The following RIMBP2 variants were observed in gnomAD, a reference collection of about 807,000 sequenced individuals.
The protein encoded by RIMBP2 is RIMS binding protein 2.
RIMBP2 carries 48 observed loss-of-function variants against 118.6 expected under a neutral mutation model. The observed-to-expected ratio is 0.40, with a 90% CI of 0.32 to 0.51. The LOEUF is 0.51. RIMBP2 is among the 20% of genes least tolerant of loss of function. The pLI is 0.41. For missense variants in RIMBP2, 1,551 were observed against 1,768.3 expected, an observed-to-expected ratio of 0.88 and a Z score of 2.20; for synonymous variants, 762 against 742.9, an observed-to-expected ratio of 1.03 and a Z score of -0.42.
At chr12:130,554,713 C>T (rs1593777044) in intron 2 of RIMBP2, among the ~76,000 whole-genome samples, 1 of 151,834 alleles carries the variant, frequency 6.6e-6, no homozygotes, top group East Asian at 1.9e-4. Context: ...CATCATTATC[C>T]CCATTTTAGA....
At chr12:130,583,642 C>T (rs552372324) in intron 2 of RIMBP2, among the ~76,000 whole-genome samples, 11 of 150,800 alleles carry the variant, frequency 7.3e-5, no homozygotes, top group East Asian at 2.0e-4. Flanking sequence ...CAACCATTAT[C>T]GCATCACCAT....
At chr12:130,678,560 C>A (rs541501464) in intron 1 of RIMBP2, among the ~76,000 whole-genome samples, 2 of 152,274 alleles carry the variant, frequency 1.3e-5, no homozygotes, top group South Asian at 2.1e-4. Context: ...CTCTGTTGCC[C>A]AGGCTGGAGC....
At chr12:130,530,335 C>A (rs2053239210) in intron 2 of RIMBP2, among the ~76,000 whole-genome samples, 1 of 152,022 alleles carries the variant, frequency 6.6e-6, no homozygotes, top group South Asian at 2.1e-4. Context: ...AGAACTAAAC[C>A]CCTGCACAAA....
chr12:130,676,458 A>C (rs1418094649), intron 1 of RIMBP2, among the ~76,000 whole-genome samples: 1 of 151,860 alleles, frequency 6.6e-6, no homozygotes, highest in East Asian at 1.9e-4. Flanking sequence ...CCCCATCTCT[A>C]CTAAAAATAC....
rs1019488065 is a variant in RIMBP2 at position 130,626,621 on chromosome 12, G to A, written c.-217+1701C>T. 5.4e-5 allele frequency among the ~76,000 whole-genome samples: 8 copies of A among 147,708 alleles called. No homozygotes were observed. The East Asian group carries it at 1.4e-3, about 26-fold the overall frequency. On this transcript the variant is annotated intron_variant, in intron 2 of 22. Coordinates refer to ENST00000690449, the MANE Select transcript of RIMBP2 (RefSeq NM_001393629.1). The stretch of plus-strand genomic sequence containing the variant: ...TCACCACCATCTCCTCCATCACCAC[G>A]ACTACCACTGGCATCACCACAATCT...
At chr12:130,700,983 G>T (rs1225341700) in intron 1 of RIMBP2, among the ~76,000 whole-genome samples, 1 of 152,242 alleles carries the variant, frequency 6.6e-6, no homozygotes, top group Non-Finnish European at 1.5e-5. Flanking sequence ...TGTGCCACAT[G>T]TAACATGGCC....
intron 11 of RIMBP2, among the ~76,000 whole-genome samples, chr12:130,439,160 T>C (rs1181614043): frequency 6.6e-6 from 1 of 151,046 alleles, no homozygotes; most frequent in East Asian, 1.9e-4. Context: ...TATGTGTGTG[T>C]AAATGTGTAT....
intron 2 of RIMBP2, among the ~76,000 whole-genome samples, chr12:130,599,243 C>T (rs1423506285): frequency 3.3e-5 from 5 of 152,180 alleles, no homozygotes; most frequent in Admixed American, 6.5e-5. Context: ...AAAGTACATT[C>T]TGTCAGAACA....
Position 130,438,532 on chromosome 12 carries a change from A to T in RIMBP2, c.1505-16T>A. 1 of 1,567,516 alleles carries T rather than the reference A, an allele frequency of 6.4e-7. No homozygotes were observed. The highest frequency in any genetic ancestry group is 1.4e-5 in the African/African-American group (1 of 73,974). ...GCTGGGGGTCCTGGGAGGGGACAGAAGGGAACGGAGGCGTTCAGGGACCAG... is the reference window on the plus strand; with the variant it reads ...GCTGGGGGTCCTGGGAGGGGACAGATGGGAACGGAGGCGTTCAGGGACCAG... On this transcript the variant is annotated splice_polypyrimidine_tract_variant and intron_variant, in intron 11 of 22. Coordinates refer to ENST00000690449, the MANE Select transcript of RIMBP2 (RefSeq NM_001393629.1).
rs1031360218 is a variant in RIMBP2, at chr12:130,621,089, G to C, written c.-217+7233C>G. Among the ~76,000 whole-genome samples, 6 of 152,148 alleles carry C rather than the reference G, an allele frequency of 3.9e-5. No individual in the cohort carries two copies. Among genetic ancestry groups the C allele is most frequent in the Non-Finnish European group, 8.8e-5 (6 of 68,028 alleles). On this transcript the variant is annotated intron_variant, in intron 2 of 22. Coordinates refer to ENST00000690449, the MANE Select transcript of RIMBP2 (RefSeq NM_001393629.1). The surrounding 1 kb of genome is among the most constrained non-coding windows in gnomAD (Gnocchi z 6.6). ...ATGGAGTCACCCCTTAGTGAGGGTG[G>C]GTTCATTTTTTTACCAGCACCCTGG...
At chr12:130,537,377 C>G (rs1435656422) in intron 2 of RIMBP2, among the ~76,000 whole-genome samples, 1 of 152,188 alleles carries the variant, frequency 6.6e-6, no homozygotes, top group African/African-American at 2.4e-5. Flanking sequence ...CAGCGTAAGA[C>G]AGGGAGGAGG....
chr12:130,606,860 C>T (rs2060221716), intron 2 of RIMBP2, among the ~76,000 whole-genome samples: 1 of 152,214 alleles, frequency 6.6e-6, no homozygotes, highest in South Asian at 2.1e-4. Flanking sequence ...AAGATGAAGT[C>T]TTGCTCTGTC....
Position 130,424,426 on chromosome 12 carries a change from G to A in RIMBP2, c.2845C>T (p.Pro949Ser), listed in dbSNP as rs2076632353. Residue 949 changes from proline (P) to serine (S), a missense_variant, in exon 16 of 23, where the codon CCC becomes TCC. Pro to Ser is a moderately conservative substitution (Grantham distance 74). Around this residue, in one of 5 missense-constraint regions of RIMBP2, gnomAD observed 1,038 missense variants for 1,125.1 expected, o/e 0.92. Transcript: ENST00000690449. This position sits in a 1 kb window ranked among gnomAD's most constrained non-coding sequence, Gnocchi z 9.8. ...AACSPGPGHC[P>S]CRRGPRPLLA... ...AGCGGCCTCGGGCCCCTCCTGCAGG[G>A]ACAGTGACCAGGGCCTGGGCTGCAC... The A allele has an allele frequency of 8.1e-7, 1 of 1,232,730 alleles. No individual in the cohort carries two copies. Among genetic ancestry groups the A allele is most frequent in the East Asian group, 3.2e-5 (1 of 31,694 alleles). 76.4% of individuals were successfully genotyped at this position (1,232,730 alleles called of 1,614,324 possible).
chr12:130,693,602 C>T (rs915872578), intron 1 of RIMBP2, among the ~76,000 whole-genome samples: 13 of 152,130 alleles, frequency 8.5e-5, no homozygotes, highest in Admixed American at 3.9e-4. Flanking sequence ...TGAAGATCAC[C>T]AGGGCCTACC....
At chr12:130,438,603 A>C (rs1389613149) in intron 11 of RIMBP2, 87 bp from the exon 12 acceptor site, 1 of 1,269,584 alleles carries the variant, frequency 7.9e-7, no homozygotes, top group Non-Finnish European at 1.1e-6. Flanking sequence ...CTCACCTGGA[A>C]ACGAGATCAT....
intron 6 of RIMBP2, among the ~76,000 whole-genome samples, chr12:130,459,764 C>G (rs144690520): frequency 6.6e-6 from 1 of 151,974 alleles, no homozygotes; most frequent in Non-Finnish European, 1.5e-5. Context: ...CCATGGGACT[C>G]CCAGAAATGA....
chr12:130,463,322 T>G (rs2080171829), intron 6 of RIMBP2, among the ~76,000 whole-genome samples: 1 of 152,166 alleles, frequency 6.6e-6, no homozygotes, highest in African/African-American at 2.4e-5. Flanking sequence ...GGCCACCTGC[T>G]CGGCGCTAGG....
chr12:130,656,674 T>G (rs1190226598), intron 1 of RIMBP2, among the ~76,000 whole-genome samples: 1 of 152,150 alleles, frequency 6.6e-6, no homozygotes, highest in Non-Finnish European at 1.5e-5. Flanking sequence ...CGTTTGTCTA[T>G]CTCTGTGCCC....
intron 3 of RIMBP2, among the ~76,000 whole-genome samples, chr12:130,509,148 G>C (rs912483100): frequency 6.6e-6 from 1 of 152,214 alleles, no homozygotes; most frequent in Non-Finnish European, 1.5e-5. Flanking sequence ...TGGGAAGCAG[G>C]ATTTGGGGAG....
Sources: allele counts gnomAD v4.1 joint callset (sites outside exome capture counted in the v4.1 genomes callset), GRCh38; gene constraint gnomAD v4.1.1; regional missense constraint gnomAD v4.1.1; non-coding constraint Gnocchi (gnomAD v3.1); transcripts MANE v1.5; gene names NCBI Gene and HGNC (gene_info 2026-07-23, HGNC 2026-07-21).